Variants in RASAL2 observed in about 807,000 individuals in gnomAD.
The protein encoded by RASAL2 is RAS protein activator like 2.
In RASAL2, 58 loss-of-function variants were observed where a neutral mutation model predicts 128.9. The ratio of observed to expected loss-of-function variants is 0.45; its 90% CI spans 0.36 to 0.56. The LOEUF is 0.56. Among genes scored for constraint, RASAL2 ranks in the 20% least tolerant of loss-of-function variants. The pLI is 0.00. For synonymous variants in RASAL2, 561 were observed against 580.8 expected, an observed-to-expected ratio of 0.97 and a Z score of 0.49; for missense variants, 1,360 against 1,601.6, an observed-to-expected ratio of 0.85 and a Z score of 2.57.
chr1:178,277,523 T>C (rs1346678594), intron 1 of RASAL2, among the ~76,000 whole-genome samples: 1 of 152,232 alleles, frequency 6.6e-6, no homozygotes, highest in Non-Finnish European at 1.5e-5. Flanking sequence ...GTAATACTTT[T>C]TGACTTTGGG....
At chr1:178,465,662 G>A (rs1261318870) in intron 15 of RASAL2, among the ~76,000 whole-genome samples, 1 of 152,004 alleles carries the variant, frequency 6.6e-6, no homozygotes, top group Non-Finnish European at 1.5e-5. Flanking sequence ...GCCAAGTTAA[G>A]ATTTAAAATG....
At chr1:178,202,328 A>T (rs939571719) in intron 1 of RASAL2, among the ~76,000 whole-genome samples, 6 of 152,162 alleles carry the variant, frequency 3.9e-5, no homozygotes, top group Non-Finnish European at 1.5e-5. Context: ...CCCAGCCTGC[A>T]CTGATGGCCT....
intron 12 of RASAL2, among the ~76,000 whole-genome samples, chr1:178,455,185 C>T (rs999913348): frequency 1.3e-5 from 2 of 151,956 alleles, no homozygotes; most frequent in African/African-American, 2.4e-5. Flanking sequence ...TATTTTTAAT[C>T]GTTTGCTAAG....
chr1:178,276,282 C>T (rs1055464013), intron 1 of RASAL2, among the ~76,000 whole-genome samples: 32 of 151,986 alleles, frequency 2.1e-4, no homozygotes, highest in African/African-American at 7.5e-4. Context: ...GACATTTTGA[C>T]AGAATATAGA....
chr1:178,397,289 G>A (rs746570185), intron 4 of RASAL2, among the ~76,000 whole-genome samples: 5 of 152,084 alleles, frequency 3.3e-5, no homozygotes, highest in Non-Finnish European at 7.4e-5. Context: ...TTATTATTTA[G>A]CCATGAAAAA....
intron 12 of RASAL2, 70 bp downstream of exon 12, chr1:178,454,718 AGCAC>A: frequency 2.3e-6 from 3 of 1,325,238 alleles, no homozygotes; most frequent in Non-Finnish European, 3.2e-6. Context: ...ATAGAGTGAT[AGCAC>A]TCACTCTTTC....
At chr1:178,365,140 A>G (rs143502485) in intron 3 of RASAL2, among the ~76,000 whole-genome samples, 76 of 152,130 alleles carry the variant, frequency 5.0e-4, no homozygotes, top group African/African-American at 1.3e-3. Context: ...TTAAATATTC[A>G]TATGATGGGA....
At chr1:178,320,747 C>T (rs1043348911) in intron 3 of RASAL2, among the ~76,000 whole-genome samples, 2 of 152,322 alleles carry the variant, frequency 1.3e-5, no homozygotes, top group East Asian at 1.9e-4. Context: ...AGAAATCACC[C>T]GTCTTCTGCC....
rs536558557 is a variant in RASAL2 at position 178,439,722 on chromosome 1, GT to G, written c.828+149del. On this transcript the variant is annotated intron_variant, in intron 6 of 17. Coordinates refer to ENST00000367649, the MANE Select transcript of RASAL2 (RefSeq NM_170692.4). ...GAAATTATCTACTTACAGAGAAAAA[GT>G]TAGAAATCTTTTCATCTAATCATAT... The G allele has an allele frequency of 1.7e-3, 1,307 of 749,242 alleles. 6 individuals are homozygous for G. Among genetic ancestry groups the G allele is most frequent in the South Asian group, 6.7e-3 (284 of 42,132 alleles). The allele number at this position is 749,242 out of a possible 1,614,324, so 46.4% of individuals were successfully genotyped here. A position where few individuals can be genotyped will look rare whatever the true frequency, so the allele number is the denominator to read the frequency against.
intron 14 of RASAL2, among the ~76,000 whole-genome samples, chr1:178,458,854 T>A (rs1677974803): frequency 6.6e-6 from 1 of 152,172 alleles, no homozygotes; most frequent in Non-Finnish European, 1.5e-5. Context: ...AATTAGATAC[T>A]TAAAATCTGT....
intron 1 of RASAL2, among the ~76,000 whole-genome samples, chr1:178,111,177 T>C (rs898218619): frequency 1.3e-5 from 2 of 152,252 alleles, no homozygotes; most frequent in African/African-American, 4.8e-5. Context: ...GCTCGCCTTT[T>C]GATGAACATT....
At chr1:178,365,116 C>T (rs1671329760) in intron 3 of RASAL2, among the ~76,000 whole-genome samples, 1 of 151,734 alleles carries the variant, frequency 6.6e-6, no homozygotes, top group African/African-American at 2.4e-5. Flanking sequence ...ATCAAAGCAA[C>T]TTCTATGTAT....
intron 1 of RASAL2, among the ~76,000 whole-genome samples, chr1:178,141,265 G>A (rs1275017341): frequency 7.0e-6 from 1 of 143,486 alleles, no homozygotes; most frequent in Non-Finnish European, 1.5e-5. Flanking sequence ...CCATACAATG[G>A]GAGGGGACCC....
At chr1:178,162,676 C>T (rs1661370330) in intron 1 of RASAL2, among the ~76,000 whole-genome samples, 1 of 149,588 alleles carries the variant, frequency 6.7e-6, no homozygotes, top group Admixed American at 6.8e-5. Context: ...CAACCTCCAC[C>T]TCCTGGGTTC....
intron 3 of RASAL2, among the ~76,000 whole-genome samples, chr1:178,381,717 T>C (rs1403922970): frequency 6.6e-6 from 1 of 152,064 alleles, no homozygotes; most frequent in Non-Finnish European, 1.5e-5. Flanking sequence ...ATGGTATGAA[T>C]AAATCTACCA....
intron 1 of RASAL2, among the ~76,000 whole-genome samples, chr1:178,229,053 T>TAGG (rs1663895315): frequency 6.6e-6 from 1 of 152,236 alleles, no homozygotes; most frequent in Admixed American, 6.5e-5. Flanking sequence ...TTACTTAGAT[T>TAGG]CAACAACTGT....
At chr1:178,168,274 C>CAA (rs542156463) in intron 1 of RASAL2, among the ~76,000 whole-genome samples, 21 of 125,054 alleles carry the variant, frequency 1.7e-4, no homozygotes, top group African/African-American at 2.0e-4. Context: ...TGTGAGAAGC[C>CAA]AAAAAAAAAA....
At chr1:178,234,723 T>C (rs1375667596) in intron 1 of RASAL2, among the ~76,000 whole-genome samples, 5 of 152,294 alleles carry the variant, frequency 3.3e-5, no homozygotes, top group Non-Finnish European at 7.4e-5. Context: ...GATCATTTTT[T>C]GAGAAGCTCT....
At chr1:178,341,675 AAAATTACAC>A (rs1669890334) in intron 3 of RASAL2, 1 of 1,603,562 alleles carries the variant, frequency 6.2e-7, no homozygotes, top group South Asian at 1.1e-5. Context: ...TGGCTTTTTA[AAAATTACAC>A]AAATGCAGTG....
Sources: allele counts gnomAD v4.1 joint callset (sites outside exome capture counted in the v4.1 genomes callset), GRCh38; gene constraint gnomAD v4.1.1; transcripts MANE v1.5; gene names NCBI Gene and HGNC (gene_info 2026-07-23, HGNC 2026-07-21).